STAC: variants seen among roughly 807,000 people sequenced by gnomAD.
The protein encoded by STAC is SH3 and cysteine-rich domain-containing protein.
In STAC, 43 loss-of-function variants were observed where a neutral mutation model predicts 48.8. That is an observed-to-expected ratio of 0.88 (90% CI 0.69 to 1.14). The LOEUF (loss-of-function observed/expected upper bound fraction) is 1.14. Ranked by LOEUF, STAC falls within the 50% of genes most tolerant of loss-of-function variation. The pLI is 0.00. For synonymous variants in STAC, 193 were observed against 179.5 expected (o/e 1.07, Z -0.60); for missense variants, 497 against 504.0 (o/e 0.99, Z 0.13).
chr3:36,398,636 A>G (rs550172878), intron 1 of STAC, among the ~76,000 whole-genome samples: 5 of 112,016 alleles, frequency 4.5e-5, no homozygotes, highest in Admixed American at 1.8e-4. Context: ...AAGAGAGAGA[A>G]AGAAAGAAAG....
rs756084428 is a variant in STAC at position 36,485,085 on chromosome 3, T to C, written c.571+27T>C. The C allele has an allele frequency of 2.1e-5, 33 of 1,575,898 alleles. No homozygotes were observed. The South Asian group carries it at 3.2e-4, about 15-fold the overall frequency. ...TGAGTTGGGACATTGATGGGTTGAG[T>C]TGAGTTTGAAGCAGCAAAGTTAACA... On this transcript the variant is annotated intron_variant, in intron 4 of 10. Coordinates refer to ENST00000273183, the MANE Select transcript of STAC (RefSeq NM_003149.3).
At chr3:36,399,919 A>G (rs1280858928) in intron 1 of STAC, among the ~76,000 whole-genome samples, 1 of 152,222 alleles carries the variant, frequency 6.6e-6, no homozygotes, top group Non-Finnish European at 1.5e-5. Context: ...GCCCCAGGCA[A>G]AATGGAGGCA....
chr3:36,451,848 T>C (rs1696693039), intron 2 of STAC, among the ~76,000 whole-genome samples: 1 of 152,234 alleles, frequency 6.6e-6, no homozygotes, highest in African/African-American at 2.4e-5. Context: ...TTATTTTCAG[T>C]AATATTTTAT....
At chr3:36,411,491 T>C (rs907014425) in intron 1 of STAC, among the ~76,000 whole-genome samples, 2 of 152,176 alleles carry the variant, frequency 1.3e-5, no homozygotes, top group African/African-American at 4.8e-5. Context: ...GCATCTCAGC[T>C]TGAGAAAATG....
chr3:36,504,008 A>G (rs1040486763), intron 6 of STAC, among the ~76,000 whole-genome samples: 1 of 152,188 alleles, frequency 6.6e-6, no homozygotes, highest in African/African-American at 2.4e-5. Context: ...CTCAAATACA[A>G]CTAAATTGGA....
chr3:36,448,474 G>T (rs1201706855), intron 2 of STAC, among the ~76,000 whole-genome samples: 3 of 152,154 alleles, frequency 2.0e-5, no homozygotes, highest in Admixed American at 2.0e-4. Context: ...GCCCACCTCG[G>T]CCTCCCACAG....
chr3:36,525,654 GGTTACT>G (rs1698914022), intron 8 of STAC, among the ~76,000 whole-genome samples: 2 of 152,158 alleles, frequency 1.3e-5, no homozygotes, highest in African/African-American at 4.8e-5. Flanking sequence ...TGGTTTCTTA[GGTTACT>G]GGTTTAAATA....
In STAC at chr3:36,427,569, C is replaced by G. The variant is rs141012583; in HGVS notation, c.112-15795C>G. Among the ~76,000 whole-genome samples, 74 of 152,202 alleles carry G rather than the reference C, an allele frequency of 4.9e-4. 1 individual carries two copies. Among genetic ancestry groups the G allele is most frequent in the African/African-American group, 1.3e-3 (56 of 41,528 alleles). On this transcript the variant is annotated intron_variant, in intron 1 of 10. Transcript: ENST00000273183. The stretch of plus-strand genomic sequence containing the variant: ...CAGTTCATCTAGTAGTTAAGTCTAC[C>G]TGGGCTTTAGAGTCAATCACTTCTA...
intron 6 of STAC, among the ~76,000 whole-genome samples, chr3:36,494,151 C>CA (rs751587518): frequency 0.26 from 14,324 of 56,060 alleles, 1,705 homozygotes; most frequent in East Asian, 0.61. Context: ...GACTCCGTCT[C>CA]AAAAAAAAAA....
chr3:36,499,126 A>G (rs1460129974), intron 6 of STAC, among the ~76,000 whole-genome samples: 3 of 152,218 alleles, frequency 2.0e-5, no homozygotes. Context: ...AGTTCAATTA[A>G]GAAAGACCTA....
At chr3:36,420,447 A>G (rs946569207) in intron 1 of STAC, among the ~76,000 whole-genome samples, 1 of 152,170 alleles carries the variant, frequency 6.6e-6, no homozygotes, top group Non-Finnish European at 1.5e-5. Context: ...CCTGTTAGGA[A>G]CCGGGCTACA....
In STAC at chr3:36,492,034, AT is replaced by A. The variant is rs1559512154; in HGVS notation, c.688-1116del. Among the ~76,000 whole-genome samples the A allele has an allele frequency of 3.3e-3, 112 of 34,394 alleles. 1 individual carries two copies. Among genetic ancestry groups the A allele is most frequent in the South Asian group, 4.6e-3 (3 of 654 alleles). 22.6% of individuals were successfully genotyped at this position (34,394 alleles called of 152,430 possible). On this transcript the variant is annotated intron_variant, in intron 5 of 10. Coordinates refer to ENST00000273183, the MANE Select transcript of STAC (RefSeq NM_003149.3). ...AAAAAAAAAAAAAAAAAAAAAAAATATATATATATATATATATATATATATA... is the reference window on the plus strand; with the variant it reads ...AAAAAAAAAAAAAAAAAAAAAAAATAATATATATATATATATATATATATA...
At chr3:36,413,233 T>A (rs1239891659) in intron 1 of STAC, among the ~76,000 whole-genome samples, 1 of 152,128 alleles carries the variant, frequency 6.6e-6, no homozygotes, top group Non-Finnish European at 1.5e-5. Flanking sequence ...ATATCCTTGT[T>A]AACTTTCTGT....
chr3:36,486,670 T>A (rs1450646664), intron 5 of STAC, among the ~76,000 whole-genome samples: 1 of 152,206 alleles, frequency 6.6e-6, no homozygotes, highest in Admixed American at 6.5e-5. Context: ...ACATCTTTTG[T>A]CTTTTCTCTC....
At chr3:36,404,227 A>C (rs1575177885) in intron 1 of STAC, among the ~76,000 whole-genome samples, 1 of 152,230 alleles carries the variant, frequency 6.6e-6, no homozygotes, top group Non-Finnish European at 1.5e-5. Context: ...ATCACCCTAA[A>C]TAAATATGTA....
At chr3:36,383,464 C>T (rs1479988228) in intron 1 of STAC, among the ~76,000 whole-genome samples, 1 of 152,058 alleles carries the variant, frequency 6.6e-6, no homozygotes, top group African/African-American at 2.4e-5. Context: ...ACCACCACCA[C>T]CACCACCCTA....
chr3:36,506,693 G>A (rs1019186530), intron 8 of STAC, among the ~76,000 whole-genome samples: 10 of 152,094 alleles, frequency 6.6e-5, no homozygotes, highest in African/African-American at 9.7e-5. Context: ...TGTAGCAATT[G>A]TGAATGGGAG....
At chr3:36,493,815 A>AT (rs1460515607) in intron 6 of STAC, among the ~76,000 whole-genome samples, 1 of 152,174 alleles carries the variant, frequency 6.6e-6, no homozygotes, top group Non-Finnish European at 1.5e-5. Flanking sequence ...TAAAGTATTT[A>AT]TTAAATGCTA....
At chr3:36,492,125 A>C (rs1401033687) in intron 5 of STAC, among the ~76,000 whole-genome samples, 4 of 136,796 alleles carry the variant, frequency 2.9e-5, no homozygotes, top group Non-Finnish European at 6.2e-5. Flanking sequence ...AGCCAGTTAG[A>C]CTGAAGCTGG....
Sources: gnomAD v4.1 joint callset for allele counts (sites outside exome capture counted in the v4.1 genomes callset) on GRCh38, gnomAD v4.1.1 for gene constraint, MANE v1.5 for transcripts, NCBI Gene and HGNC (gene_info 2026-07-23, HGNC 2026-07-21) for gene names.